The following MACF1 variants were observed in gnomAD, a reference collection of about 807,000 sequenced individuals.
The protein encoded by MACF1 is microtubule actin crosslinking factor 1, also known as microtubule-actin cross-linking factor 1.
A neutral mutation model predicts 854.8 loss-of-function variants in MACF1; 193 were observed. That is an observed-to-expected ratio of 0.23 (90% CI 0.20 to 0.25). The LOEUF (loss-of-function observed/expected upper bound fraction) is 0.25. Ranked by LOEUF, MACF1 falls within the 10% of genes least tolerant of loss-of-function variation. The pLI is 1.00. For synonymous variants in MACF1, 3,185 were observed against 3,226.7 expected, an observed-to-expected ratio of 0.99 and a Z score of 0.44; for missense variants, 7,722 against 8,929.1, an observed-to-expected ratio of 0.86 and a Z score of 5.45.
upstream of MACF1, among the ~76,000 whole-genome samples, chr1:39,201,562 C>T (rs1420240437): frequency 6.6e-6 from 1 of 152,136 alleles, no homozygotes; most frequent in African/African-American, 2.4e-5. Context: ...CTGTGTTAGT[C>T]AGGATGGTCT....
chr1:39,336,432 A>G lies in MACF1; in HGVS notation c.9844A>G (p.Lys3282Glu). 6.2e-7 allele frequency: 1 copy of G among 1,614,184 alleles called. No individual in the cohort carries two copies. Among genetic ancestry groups the G allele is most frequent in the East Asian group, 2.2e-5 (1 of 44,882 alleles). The change falls in exon 37 of 101, where the codon AAA becomes GAA. Residue 3282 changes from lysine (K) to glutamate (E), a missense_variant. Transcript: ENST00000564288. ...PEKLFKGVSQKENTGQQNAII... is the reference protein window; with the variant it reads ...PEKLFKGVSQEENTGQQNAII... ...GAAACTGTTCAAAGGAGTGTCTCAA[A>G]AAGAGAATACAGGGCAACAGAATGC...
At chr1:39,273,126 T>C (rs1333538358) in intron 6 of MACF1, among the ~76,000 whole-genome samples, 1 of 148,696 alleles carries the variant, frequency 6.7e-6, no homozygotes, top group Non-Finnish European at 1.5e-5. Context: ...TTTACCTCTA[T>C]ACCAATTTTT....
intron 2 of MACF1, among the ~76,000 whole-genome samples, chr1:39,185,583 T>A (rs993181261): frequency 6.6e-6 from 1 of 152,000 alleles, no homozygotes; most frequent in Non-Finnish European, 1.5e-5. Flanking sequence ...ACAACTATAA[T>A]TTGAAAGGGA....
Position 39,335,352 on chromosome 1 carries a change from C to A in MACF1, c.8764C>A (p.His2922Asn). The A allele has an allele frequency of 6.2e-7, 1 of 1,613,532 alleles. No individual in the cohort carries two copies. Among genetic ancestry groups the A allele is most frequent in the South Asian group, 1.1e-5 (1 of 91,006 alleles). ...KAVTKIEIISHMKQSTSCLDS... is the reference protein window; with the variant it reads ...KAVTKIEIISNMKQSTSCLDS... ...AGTGACAAAAATAGAAATTATTTCT[C>A]ATATGAAGCAGTCTACCTCATGTCT... The change falls in exon 37 of 101, where the codon CAT becomes AAT. Residue 2922 changes from histidine to asparagine, a missense_variant. His to Asn is a moderately conservative substitution (Grantham distance 68, BLOSUM62 1). Transcript: ENST00000564288.
At chr1:39,316,097 C>T (rs1364273516) in intron 27 of MACF1, among the ~76,000 whole-genome samples, 3 of 152,212 alleles carry the variant, frequency 2.0e-5, no homozygotes, top group African/African-American at 7.2e-5. Flanking sequence ...TGAAGAGTAG[C>T]GCATCTTAAA....
At chr1:39,207,095 C>G (rs1644458692) in intron 1 of MACF1, 1 of 151,608 alleles carries the variant, frequency 6.6e-6, no homozygotes, top group African/African-American at 2.4e-5. Context: ...GTTGTATGAG[C>G]TCAGGTGTTA....
chr1:39,341,099 T>A, intron 40 of MACF1, 146 bp downstream of exon 40: 1 of 692,060 alleles, frequency 1.4e-6, no homozygotes, highest in Non-Finnish European at 2.2e-6. Context: ...AGTGGCACAA[T>A]CCCAGCTCAC....
intron 15 of MACF1, among the ~76,000 whole-genome samples, chr1:39,289,693 C>CTTTTTTTCTTTT (rs1645730914): frequency 3.5e-5 from 1 of 28,940 alleles, no homozygotes; most frequent in Non-Finnish European, 6.0e-5. Context: ...GTGGGTTGTC[C>CTTTTTTTCTTTT]TTTTTTTTTT....
At chr1:39,413,863 G>A in intron 58 of MACF1, 1 of 1,610,352 alleles carries the variant, frequency 6.2e-7, no homozygotes. Context: ...TTCCCCGGCA[G>A]CTTCAGTGCC....
chr1:39,442,758 A>C lies in MACF1; in HGVS notation c.19149A>C (p.Thr6383=), dbSNP rs11206102. The change falls in exon 78 of 101, where the codon ACA becomes ACC. Residue 6383 remains threonine, a synonymous_variant. Transcript: ENST00000564288. ...DVLAHQATVE[T]VNKAGNELLE... ...TGGCTCATCAAGCCACAGTGGAAACAGTCAACAAAGCTGGCAATGAGCTTC... is the reference window on the plus strand; with the variant it reads ...TGGCTCATCAAGCCACAGTGGAAACCGTCAACAAAGCTGGCAATGAGCTTC... The C allele has an allele frequency of 6.1e-3, 9,875 of 1,614,082 alleles. 456 individuals are homozygous for C. In the African/African-American group the frequency reaches 0.11, roughly 18 times the overall value.
At chr1:39,410,269 G>C (rs1216854140) in intron 58 of MACF1, 1 of 1,570,716 alleles carries the variant, frequency 6.4e-7, no homozygotes, top group East Asian at 2.3e-5. Flanking sequence ...AAAAAGGATG[G>C]GTAAGCCACT....
At chr1:39,458,897 G>A (rs1473904194) in intron 90 of MACF1, 189 bp from the exon 91 acceptor site, 1 of 571,886 alleles carries the variant, frequency 1.7e-6, no homozygotes, top group African/African-American at 1.9e-5. Context: ...CAGCAGGTAA[G>A]TATGTGCTGG....
intron 97 of MACF1, among the ~76,000 whole-genome samples, chr1:39,476,901 A>C (rs774459129): frequency 4.2e-4 from 64 of 151,002 alleles, no homozygotes; most frequent in South Asian, 1.1e-3. Flanking sequence ...TTTTTGAAAC[A>C]CTGTCCTCCC....
intron 5 of MACF1, chr1:39,257,652 G>T: frequency 3.1e-6 from 1 of 321,542 alleles, no homozygotes; most frequent in South Asian, 3.6e-5. Context: ...CCAACACTCT[G>T]GAAAAAGCAA....
chr1:39,170,407 A>G (rs1213032446), intron 2 of MACF1, among the ~76,000 whole-genome samples: 1 of 152,322 alleles, frequency 6.6e-6, no homozygotes, highest in South Asian at 2.1e-4. Context: ...ACAAATGTGT[A>G]TGAGCACCTA....
At chr1:39,442,670 G>A (rs375294545) in intron 77 of MACF1, 44 bp from the exon 78 acceptor site, 15 of 1,611,020 alleles carry the variant, frequency 9.3e-6, no homozygotes, top group Non-Finnish European at 1.2e-5. Context: ...AACCAAGTTA[G>A]ATGATATCCA....
At chr1:39,204,309 C>A (rs1417114370), upstream of MACF1, 1 of 152,224 alleles carries the variant, frequency 6.6e-6, no homozygotes, top group Non-Finnish European at 1.5e-5. Flanking sequence ...GAGAAGTACC[C>A]CCTAAATGAG....
intron 56 of MACF1, among the ~76,000 whole-genome samples, chr1:39,383,361 CA>C (rs973419799): frequency 7.2e-5 from 11 of 152,096 alleles, no homozygotes; most frequent in Non-Finnish European, 1.5e-4. Flanking sequence ...CCGGGATTTT[CA>C]AACTTTTTGG....
rs777233880 is a variant in MACF1 at position 39,432,554 on chromosome 1, C to T, written c.17357C>T (p.Ala5786Val). The T allele has an allele frequency of 6.2e-7, 1 of 1,613,856 alleles. No homozygotes were observed. The highest frequency in any genetic ancestry group is 8.5e-7 in the Non-Finnish European group (1 of 1,179,924). ...RSQQYEQAADAELAWVAETKR... is the reference protein window; with the variant it reads ...RSQQYEQAADVELAWVAETKR... ...TATTAGTATGAGCAAGCTGCCGATG[C>T]AGAACTAGCTTGGGTTGCTGAAACA... The change falls in exon 67 of 101, where the codon GCA becomes GTA. Residue 5786 changes from alanine (A) to valine (V), a missense_variant. Physicochemically the swap from Ala to Val is moderately conservative, Grantham distance 64. Around this residue, in one of 15 missense-constraint regions of MACF1, gnomAD observed 2,807 missense variants for 3,235.8 expected, o/e 0.87. Transcript: ENST00000564288.
Sources: gnomAD v4.1 joint callset for allele counts (sites outside exome capture counted in the v4.1 genomes callset) on GRCh38, gnomAD v4.1.1 for gene constraint, gnomAD v4.1.1 regional missense constraint, MANE v1.5 for transcripts, NCBI Gene and HGNC (gene_info 2026-07-23, HGNC 2026-07-21) for gene names.